The following ATP11C variants were observed in gnomAD, a reference collection of about 807,000 sequenced individuals.
ATP11C encodes the protein phospholipid-transporting ATPase IG.
ATP11C carries 36 observed loss-of-function variants against 97.4 expected under a neutral mutation model. That is an observed-to-expected ratio of 0.37 (90% confidence interval 0.28 to 0.49). ATP11C has a LOEUF of 0.49. Ranked by LOEUF, ATP11C falls within the 20% of genes least tolerant of loss-of-function variation. The pLI, the probability that ATP11C is intolerant of heterozygous loss-of-function variation, is 0.98. For synonymous variants in ATP11C, 275 were observed against 290.9 expected (o/e 0.95, Z 0.56); for missense variants, 730 against 824.6 (o/e 0.89, Z 1.40).
intron 1 of ATP11C, among the ~76,000 whole-genome samples, chrX:139,859,475 A>G (rs2084145581): frequency 8.9e-6 from 1 of 112,011 alleles, no homozygotes; most frequent in Non-Finnish European, 1.9e-5. Flanking sequence ...GTGTCAATTA[A>G]AAGTTGTTAT....
intron 20 of ATP11C, among the ~76,000 whole-genome samples, chrX:139,766,613 C>CGT (rs112537691): frequency 9.0e-6 from 1 of 110,529 alleles, no homozygotes; most frequent in East Asian, 2.9e-4. Context: ...CATATGTGTG[C>CGT]GTGTGTGTGT....
At chrX:139,790,464 T>TCTCA (rs1464361722) in intron 12 of ATP11C, among the ~76,000 whole-genome samples, 1 of 99,217 alleles carries the variant, frequency 1.0e-5, no homozygotes, top group Admixed American at 1.1e-4. Context: ...TCTCTCTCAC[T>TCTCA]CACACACACA....
intron 1 of ATP11C, among the ~76,000 whole-genome samples, chrX:139,884,893 T>G (rs986716929): frequency 8.9e-6 from 1 of 111,930 alleles, no homozygotes; most frequent in Non-Finnish European, 1.9e-5. Context: ...ACCACTAAAT[T>G]GAGCACATTC....
rs1569431575 is a variant in ATP11C at position 139,750,014 on chromosome X, A to G, written c.2828+11T>C. 8.4e-7 allele frequency: 1 copy of G among 1,192,709 alleles called. No individual in the cohort carries two copies. The highest frequency in any genetic ancestry group is 1.1e-6 in the Non-Finnish European group (1 of 882,337). ...AAGTCTTAGGGGGTTTTAACTATAT[A>G]TTTAACTTACATATACAATCGGGGA... is the stretch of plus-strand genomic sequence containing the variant. On this transcript the variant is annotated intron_variant, in intron 24 of 29. Transcript: ENST00000682941.
In ATP11C at chrX:139,777,580, G is replaced by A. The variant is rs771052736; in HGVS notation, c.1953-2627C>T. Among the ~76,000 whole-genome samples, 4 of 111,050 alleles carry A rather than the reference G, an allele frequency of 3.6e-5. No individual in the cohort carries two copies. In the East Asian group the frequency reaches 1.1e-3, roughly 32 times the overall value. On this transcript the variant is annotated intron_variant, in intron 18 of 29. Coordinates refer to ENST00000682941, the MANE Select transcript of ATP11C (RefSeq NM_001353812.2). ...TTTCTGAGAGAAAAGAAGAAAAAAAGGCAACATGTAAAATATATTTGGGGA... is the reference window on the plus strand; with the variant it reads ...TTTCTGAGAGAAAAGAAGAAAAAAAAGCAACATGTAAAATATATTTGGGGA...
rs376989480 is a variant in ATP11C, at chrX:139,731,762, T to C, written c.3289-7A>G. ...TTCTACAGCTCAGATTTCTCTGTAA[T>C]AGTGAGGCAAAGATACTTAAAGCAT... On this transcript the variant is annotated splice_region_variant and splice_polypyrimidine_tract_variant and intron_variant, in intron 28 of 29. Coordinates refer to ENST00000682941, the MANE Select transcript of ATP11C (RefSeq NM_001353812.2). 5.3e-6 allele frequency: 6 copies of C among 1,131,349 alleles called. No homozygotes were observed. Among genetic ancestry groups the C allele is most frequent in the Non-Finnish European group, 7.2e-6 (6 of 833,998 alleles). 93.2% of individuals were successfully genotyped at this position (1,131,349 alleles called of 1,213,427 possible).
intron 1 of ATP11C, among the ~76,000 whole-genome samples, chrX:139,878,693 A>T (rs900944959): frequency 9.0e-6 from 1 of 111,478 alleles, no homozygotes; most frequent in African/African-American, 3.3e-5. Context: ...CAGAGAAGGA[A>T]GATCCAGGGC....
intron 25 of ATP11C, 55 bp from the exon 26 acceptor site, chrX:139,743,679 A>AT: frequency 4.0e-6 from 3 of 747,251 alleles, no homozygotes; most frequent in African/African-American, 4.3e-5. Context: ...TTATCTTAGT[A>AT]TTTTTTCATT....
rs757450509 is a variant in ATP11C, at chrX:139,740,862, A to G, written c.3134+129T>C. 314 of 432,101 alleles carry G rather than the reference A, an allele frequency of 7.3e-4. 3 individuals carry two copies. The highest frequency in any genetic ancestry group is 5.8e-3 in the African/African-American group (232 of 40,227). The allele number at this position is 432,101 out of a possible 1,213,427, so 35.6% of individuals were successfully genotyped here. ...GCTAACAAATAACCTTCAGGCCATT[A>G]ATATTAAAGACGTGTCATCTTATAT... is the stretch of plus-strand genomic sequence containing the variant. On this transcript the variant is annotated intron_variant, in intron 27 of 29. Transcript: ENST00000682941.
intron 1 of ATP11C, among the ~76,000 whole-genome samples, chrX:139,839,226 G>A (rs751836999): frequency 9.0e-6 from 1 of 111,715 alleles, no homozygotes; most frequent in African/African-American, 3.2e-5. Flanking sequence ...TAGGGGGAGG[G>A]GAGAATGCAG....
At chrX:139,799,631 C>T (rs1428523613) in intron 8 of ATP11C, among the ~76,000 whole-genome samples, 1 of 102,450 alleles carries the variant, frequency 9.8e-6, no homozygotes, top group Non-Finnish European at 2.0e-5. Context: ...GTTGCTTATT[C>T]ACCTTTATAT....
intron 1 of ATP11C, among the ~76,000 whole-genome samples, chrX:139,914,083 T>G: frequency 8.9e-6 from 1 of 111,810 alleles, no homozygotes; most frequent in Non-Finnish European, 1.9e-5. Flanking sequence ...AGCTGGGAAA[T>G]AACTTAGATA....
chrX:139,802,176 T>C (rs2147788236), intron 7 of ATP11C, 60 bp downstream of exon 7: 1 of 855,444 alleles, frequency 1.2e-6, no homozygotes, highest in Admixed American at 2.2e-5. Context: ...TTTGCAATAC[T>C]ATTAGCAAAG....
At chrX:139,757,965 C>T in intron 22 of ATP11C, 98 bp from the exon 23 acceptor site, 2 of 503,896 alleles carry the variant, frequency 4.0e-6, no homozygotes, top group Admixed American at 7.8e-5. Flanking sequence ...ATAATTATTC[C>T]TAAATCCTTC....
intron 1 of ATP11C, among the ~76,000 whole-genome samples, chrX:139,894,893 C>T (rs1315358251): frequency 1.8e-5 from 2 of 111,876 alleles, no homozygotes; most frequent in Middle Eastern, 4.6e-3. Flanking sequence ...CCCGTCTCTA[C>T]TAAAAATACA....
At chrX:139,866,343 C>CAAAAAAAAAAAAAAAAAAAAAAAAA (rs57250412) in intron 1 of ATP11C, among the ~76,000 whole-genome samples, 3 of 27,550 alleles carry the variant, frequency 1.1e-4, no homozygotes, top group Admixed American at 5.9e-4. Context: ...GACTCTGTCT[C>CAAAAAAAAAAAAAAAAAAAAAAAAA]AAAAAAAAAA....
At chrX:139,819,539 C>T (rs2083359166) in intron 2 of ATP11C, 112 bp from the exon 3 acceptor site, 1 of 317,870 alleles carries the variant, frequency 3.1e-6, no homozygotes, top group Admixed American at 5.8e-5. Flanking sequence ...TTAGTATGTC[C>T]AACACTTTGA....
intron 1 of ATP11C, among the ~76,000 whole-genome samples, chrX:139,828,001 A>C (rs1277081926): frequency 1.8e-5 from 2 of 111,917 alleles, no homozygotes; most frequent in Non-Finnish European, 1.9e-5. Flanking sequence ...TTTTCATTTA[A>C]GCTTATGATA....
At chrX:139,884,497 A>G (rs1214077581) in intron 1 of ATP11C, among the ~76,000 whole-genome samples, 2 of 111,546 alleles carry the variant, frequency 1.8e-5, no homozygotes, top group African/African-American at 6.5e-5. Context: ...GGAATACTTT[A>G]TTTTTTATTT....
Sources: gnomAD v4.1 joint callset for allele counts (sites outside exome capture counted in the v4.1 genomes callset) on GRCh38, gnomAD v4.1.1 for gene constraint, MANE v1.5 for transcripts, NCBI Gene and HGNC (gene_info 2026-07-23, HGNC 2026-07-21) for gene names.